Variants in KLF8 observed in about 807,000 individuals in gnomAD.
KLF8 encodes KLF transcription factor 8, also known as Krueppel-like factor 8.
In KLF8, 10 loss-of-function variants were observed where a neutral mutation model predicts 18.2. The ratio of observed to expected loss-of-function variants is 0.55; its 90% CI spans 0.34 to 0.93. The LOEUF (loss-of-function observed/expected upper bound fraction) is 0.93, where lower values mean the gene tolerates loss of function less well. KLF8 is among the 40% of genes least tolerant of loss of function. The probability of loss-of-function intolerance (pLI) is 0.02; values close to 1 mark genes in which losing one functional copy is unlikely to be tolerated. For missense variants in KLF8, 264 were observed against 277.9 expected, an observed-to-expected ratio of 0.95 and a Z score of 0.36; for synonymous variants, 109 against 97.3, an observed-to-expected ratio of 1.12 and a Z score of -0.71.
At chrX:56,143,971 G>A in the KLF8 span, among the ~76,000 whole-genome samples, 1 of 111,448 alleles carries the variant, frequency 9.0e-6, no homozygotes, top group Admixed American at 9.6e-5. Context: ...ACAAAATATG[G>A]GAAACCCAGA....
chrX:56,077,154 C>T, the KLF8 span, among the ~76,000 whole-genome samples: 1 of 111,922 alleles, frequency 8.9e-6, no homozygotes, highest in East Asian at 2.8e-4. Flanking sequence ...AATTAGATCC[C>T]ATTTGTCAAT....
At chrX:56,082,231 C>T in the KLF8 span, among the ~76,000 whole-genome samples, 1 of 111,715 alleles carries the variant, frequency 9.0e-6, no homozygotes, top group African/African-American at 3.2e-5. Context: ...TTAACCACTT[C>T]GTTGGTGTAC....
chrX:56,194,854 TC>T, the KLF8 span, among the ~76,000 whole-genome samples: 1 of 111,942 alleles, frequency 8.9e-6, no homozygotes, highest in East Asian at 2.8e-4. Flanking sequence ...GGACAAAGCT[TC>T]CAGAGGAAGG....
the KLF8 span, among the ~76,000 whole-genome samples, chrX:56,166,968 G>T: frequency 9.0e-6 from 1 of 111,370 alleles, no homozygotes; most frequent in Non-Finnish European, 1.9e-5. Flanking sequence ...GAGTTCTGAT[G>T]CATGTGTTTG....
the KLF8 span, among the ~76,000 whole-genome samples, chrX:55,914,272 T>G: frequency 4.5e-5 from 5 of 111,998 alleles, no homozygotes; most frequent in Non-Finnish European, 1.9e-5. Flanking sequence ...ATCCCATTTA[T>G]TTGTTCAATA....
At chrX:56,081,429 A>T in the KLF8 span, among the ~76,000 whole-genome samples, 1 of 112,097 alleles carries the variant, frequency 8.9e-6, no homozygotes, top group Non-Finnish European at 1.9e-5. Context: ...TATTCTACAA[A>T]GTAGTTTCCG....
chrX:56,202,944 G>T, the KLF8 span, among the ~76,000 whole-genome samples: 6 of 111,005 alleles, frequency 5.4e-5, no homozygotes, highest in Non-Finnish European at 1.1e-4. Context: ...TATATACCCA[G>T]CAGTAGGATT....
rs1356516664 is a variant in KLF8 at position 56,289,710 on chromosome X, G to A, written c.*5216G>A. ...CTATTTACTTAATTTTTCAAATTCA[G>A]TGTGCACATATAGCAGTATCTGAAT... On this transcript the variant is annotated 3_prime_UTR_variant, in exon 6 of 6. Transcript: ENST00000468660. Among the ~76,000 whole-genome samples, 1 of 111,496 alleles carries A rather than the reference G, an allele frequency of 9.0e-6. No homozygotes were observed. The highest frequency in any genetic ancestry group is 1.9e-5 in the Non-Finnish European group (1 of 53,143).
chrX:56,219,371 A>G, the KLF8 span, among the ~76,000 whole-genome samples: 1 of 111,110 alleles, frequency 9.0e-6, no homozygotes, highest in Non-Finnish European at 1.9e-5. Context: ...CAATTATGAC[A>G]GTTTCTCCAG....
At chrX:56,050,761 T>A in the KLF8 span, among the ~76,000 whole-genome samples, 4 of 111,357 alleles carry the variant, frequency 3.6e-5, no homozygotes, top group African/African-American at 6.5e-5. Context: ...TGTGGTGGAG[T>A]TTTCTGTAGA....
the KLF8 span, among the ~76,000 whole-genome samples, chrX:56,159,236 C>T: frequency 8.5e-4 from 95 of 111,938 alleles, no homozygotes; most frequent in Non-Finnish European, 1.4e-3. Context: ...AGGGATGAAG[C>T]CCACCTGATC....
chrX:56,158,735 T>G, the KLF8 span, among the ~76,000 whole-genome samples: 1 of 112,312 alleles, frequency 8.9e-6, no homozygotes, highest in Non-Finnish European at 1.9e-5. Context: ...CACATTGATT[T>G]TGTATCCTGA....
the KLF8 span, among the ~76,000 whole-genome samples, chrX:56,117,470 G>A: frequency 9.0e-6 from 1 of 110,521 alleles, no homozygotes; most frequent in Non-Finnish European, 1.9e-5. Flanking sequence ...AGTCTACCCT[G>A]GCTGCTCTAT....
the KLF8 span, among the ~76,000 whole-genome samples, chrX:55,985,926 T>C: frequency 9.0e-6 from 1 of 111,114 alleles, no homozygotes; most frequent in African/African-American, 3.3e-5. Context: ...GATTTGGCTC[T>C]CTGCTTGCGT....
the KLF8 span, among the ~76,000 whole-genome samples, chrX:56,133,140 A>G: frequency 1.8e-5 from 2 of 111,842 alleles, no homozygotes; most frequent in African/African-American, 6.5e-5. Context: ...ACAGAGAAAG[A>G]GCAAATCCTC....
the KLF8 span, among the ~76,000 whole-genome samples, chrX:55,977,382 A>T: frequency 2.7e-5 from 3 of 111,481 alleles, no homozygotes; most frequent in Non-Finnish European, 5.7e-5. Flanking sequence ...TTTTTGTGGT[A>T]TCAGTAGTAA....
At chrX:56,159,475 C>T in the KLF8 span, among the ~76,000 whole-genome samples, 1 of 112,510 alleles carries the variant, frequency 8.9e-6, no homozygotes, top group East Asian at 2.8e-4. Flanking sequence ...CTAGCTCCTC[C>T]TTGTACCTCT....
chrX:56,045,209 G>T, the KLF8 span, among the ~76,000 whole-genome samples: 2 of 110,218 alleles, frequency 1.8e-5, no homozygotes, highest in Non-Finnish European at 3.8e-5. Context: ...TTGGCTGTAA[G>T]TATTTGGCTT....
At chrX:55,948,243 A>G in the KLF8 span, among the ~76,000 whole-genome samples, 1 of 112,569 alleles carries the variant, frequency 8.9e-6, no homozygotes, top group South Asian at 3.7e-4. Context: ...TAAATGACCA[A>G]TAAAACTTTA....
Sources: allele counts gnomAD v4.1 joint callset (sites outside exome capture counted in the v4.1 genomes callset), GRCh38; gene constraint gnomAD v4.1.1; transcripts MANE v1.5; gene names NCBI Gene and HGNC (gene_info 2026-07-23, HGNC 2026-07-21).